Variants in EXOC6 observed in about 807,000 individuals in gnomAD.
EXOC6 encodes exocyst complex component 6.
A neutral mutation model predicts 112.5 loss-of-function variants in EXOC6; 60 were observed. That is an observed-to-expected ratio of 0.53 (90% CI 0.43 to 0.66). The LOEUF (loss-of-function observed/expected upper bound fraction) is 0.66. EXOC6 is among the 30% of genes least tolerant of loss of function. The probability of loss-of-function intolerance (pLI) is 0.00; values close to 1 mark genes in which losing one functional copy is unlikely to be tolerated. For synonymous variants in EXOC6, 295 were observed against 308.0 expected, an observed-to-expected ratio of 0.96 and a Z score of 0.44; for missense variants, 855 against 957.1, an observed-to-expected ratio of 0.89 and a Z score of 1.41.
At chr10:92,832,261 A>G (rs1387637424), upstream of EXOC6, among the ~76,000 whole-genome samples, 1 of 152,196 alleles carries the variant, frequency 6.6e-6, no homozygotes, top group South Asian at 2.1e-4. Flanking sequence ...AGTATCTACT[A>G]TAACTGTATA....
chr10:92,867,938 C>T (rs921785136), intron 1 of EXOC6, among the ~76,000 whole-genome samples: 1 of 152,134 alleles, frequency 6.6e-6, no homozygotes, highest in African/African-American at 2.4e-5. Context: ...GCACAGATAA[C>T]CCCAAAATAT....
intron 17 of EXOC6, among the ~76,000 whole-genome samples, chr10:92,964,269 T>G (rs1854182867): frequency 6.6e-6 from 1 of 151,842 alleles, no homozygotes; most frequent in Admixed American, 6.6e-5. Context: ...TTTATTGGCT[T>G]CTCTGGCCAT....
chr10:92,956,210 G>C (rs898896774), intron 17 of EXOC6, among the ~76,000 whole-genome samples: 3 of 151,990 alleles, frequency 2.0e-5, no homozygotes, highest in Non-Finnish European at 4.4e-5. Flanking sequence ...TTAATTAATG[G>C]TTGTTTTAGG....
At chr10:93,028,331 G>A (rs1352037602) in intron 20 of EXOC6, among the ~76,000 whole-genome samples, 1 of 152,066 alleles carries the variant, frequency 6.6e-6, no homozygotes, top group African/African-American at 2.4e-5. Context: ...CCTCATGGAT[G>A]ATTTTGAGGG....
intron 18 of EXOC6, among the ~76,000 whole-genome samples, chr10:92,991,921 GTAGT>G (rs1188317255): frequency 6.6e-6 from 1 of 152,134 alleles, no homozygotes; most frequent in Non-Finnish European, 1.5e-5. Flanking sequence ...AGGGCTGGAA[GTAGT>G]TAGAGATGGA....
intron 1 of EXOC6, among the ~76,000 whole-genome samples, chr10:92,859,307 T>C (rs1286931841): frequency 6.6e-6 from 1 of 152,166 alleles, no homozygotes; most frequent in South Asian, 2.1e-4. Context: ...CTGATGTTGC[T>C]CCTCAGAGTG....
At chr10:92,909,891 T>G (rs575231890) in intron 6 of EXOC6, among the ~76,000 whole-genome samples, 1 of 152,310 alleles carries the variant, frequency 6.6e-6, no homozygotes, top group African/African-American at 2.4e-5. Context: ...ATATGTGGTG[T>G]TATGTTATCC....
intron 19 of EXOC6, among the ~76,000 whole-genome samples, chr10:93,003,986 T>G (rs1247925692): frequency 3.9e-5 from 6 of 152,202 alleles, no homozygotes; most frequent in Non-Finnish European, 2.9e-5. Context: ...ATTAGGACCA[T>G]GACATGATTA....
chr10:92,873,627 T>G (rs1848552717), intron 1 of EXOC6, among the ~76,000 whole-genome samples: 1 of 152,142 alleles, frequency 6.6e-6, no homozygotes, highest in African/African-American at 2.4e-5. Context: ...AGAGGAAGCA[T>G]CTGGGCATTA....
chr10:92,916,090 C>T (rs934015191), intron 7 of EXOC6, 177 bp downstream of exon 7: 10 of 456,394 alleles, frequency 2.2e-5, no homozygotes, highest in African/African-American at 6.3e-5. Context: ...CTGAGAAGGC[C>T]GTGAAGGGAG....
At chr10:92,943,725 T>C (rs1263026887) in intron 13 of EXOC6, among the ~76,000 whole-genome samples, 2 of 151,508 alleles carry the variant, frequency 1.3e-5, no homozygotes, top group East Asian at 3.9e-4. Context: ...TTTTTTTTAG[T>C]GGTGCAAACA....
rs1166054060 is a variant in EXOC6 at position 92,881,754 on chromosome 10, G to T, written c.102-11595G>T. 2.0e-5 allele frequency among the ~76,000 whole-genome samples: 3 copies of T among 152,190 alleles called. No homozygotes were observed. The East Asian group carries it at 5.8e-4, about 29-fold the overall frequency. On this transcript the variant is annotated intron_variant, in intron 1 of 21. Coordinates refer to ENST00000260762, the MANE Select transcript of EXOC6 (RefSeq NM_019053.6). ...CATAATCCCCAATAGTCATGAGATGGACCAGGTGGAGATATTGAATCATGG... is the reference window on the plus strand; with the variant it reads ...CATAATCCCCAATAGTCATGAGATGTACCAGGTGGAGATATTGAATCATGG...
At chr10:92,906,339 G>A (rs1324735637) in intron 5 of EXOC6, among the ~76,000 whole-genome samples, 2 of 151,914 alleles carry the variant, frequency 1.3e-5, no homozygotes, top group East Asian at 1.9e-4. Context: ...TTTGTATGCA[G>A]GACGTTATAT....
intron 17 of EXOC6, among the ~76,000 whole-genome samples, chr10:92,965,208 C>G (rs1278500561): frequency 6.6e-6 from 1 of 152,070 alleles, no homozygotes; most frequent in Admixed American, 6.6e-5. Flanking sequence ...GCTATTACTA[C>G]TTAGCTTTTA....
At chr10:92,982,727 C>T (rs1201660736) in intron 18 of EXOC6, among the ~76,000 whole-genome samples, 1 of 152,112 alleles carries the variant, frequency 6.6e-6, no homozygotes, top group Non-Finnish European at 1.5e-5. Flanking sequence ...TCTTCTTCTC[C>T]ATCTGTCCCT....
intron 18 of EXOC6, among the ~76,000 whole-genome samples, chr10:92,990,344 T>C (rs1411146071): frequency 2.0e-5 from 3 of 152,234 alleles, no homozygotes; most frequent in African/African-American, 7.2e-5. Flanking sequence ...AGTTTGTATA[T>C]AGCATAGCAT....
chr10:92,999,137 G>T, intron 19 of EXOC6: 4 of 357,138 alleles, frequency 1.1e-5, no homozygotes, highest in South Asian at 6.5e-5. Flanking sequence ...CTCCCAAAGT[G>T]CTGGGATTAT....
At chr10:92,850,176 T>G (rs1023094055) in intron 1 of EXOC6, among the ~76,000 whole-genome samples, 10 of 152,190 alleles carry the variant, frequency 6.6e-5, no homozygotes, top group Non-Finnish European at 8.8e-5. Context: ...AGGAGGTGCT[T>G]CATCTTAGGA....
chr10:92,891,065 A>G (rs1176541927), intron 1 of EXOC6, among the ~76,000 whole-genome samples: 1 of 152,170 alleles, frequency 6.6e-6, no homozygotes, highest in East Asian at 1.9e-4. Context: ...ACCAATGGGG[A>G]GGTAGTTTGC....
Sources: gnomAD v4.1 joint callset for allele counts (sites outside exome capture counted in the v4.1 genomes callset) on GRCh38, gnomAD v4.1.1 for gene constraint, MANE v1.5 for transcripts, NCBI Gene and HGNC (gene_info 2026-07-23, HGNC 2026-07-21) for gene names.